RFC1: variants seen among roughly 807,000 people sequenced by gnomAD.
The protein encoded by RFC1 is replication factor C subunit 1, also known as A1 140 kDa subunit.
A neutral mutation model predicts 137.4 loss-of-function variants in RFC1; 37 were observed. That is an observed-to-expected ratio of 0.27 (90% confidence interval 0.21 to 0.35). The LOEUF is 0.35. RFC1 is among the 10% of genes least tolerant of loss of function. The pLI, the probability that RFC1 is intolerant of heterozygous loss-of-function variation, is 1.00. For synonymous variants in RFC1, 429 were observed against 455.7 expected, an observed-to-expected ratio of 0.94 and a Z score of 0.75; for missense variants, 1,205 against 1,358.5, an observed-to-expected ratio of 0.89 and a Z score of 1.78.
intron 4 of RFC1, among the ~76,000 whole-genome samples, chr4:39,333,744 C>A (rs1433253141): frequency 3.3e-5 from 5 of 152,142 alleles, no homozygotes; most frequent in Non-Finnish European, 7.4e-5. Context: ...GGTAACAGAG[C>A]CCTTCTCTGA....
In RFC1 at chr4:39,291,687, G is replaced by A. The variant is rs1406996104; in HGVS notation, c.3120C>T (p.Ile1040=). 2 of 1,614,102 alleles carry A rather than the reference G, an allele frequency of 1.2e-6. No individual in the cohort carries two copies. The highest frequency in any genetic ancestry group is 2.2e-5 in the South Asian group (2 of 91,084). ...GACTAGGTTTGCCACCCCAGCTGCT[G>A]ATTTCCATGATATTCTCAAAGTCTT... is the stretch of plus-strand genomic sequence containing the variant. ...MKEDFENIME[I]SSWGGKPSPF... is the part of the protein sequence containing the mutation. The change falls in exon 23 of 25, where the codon ATC becomes ATT. Residue 1040 remains isoleucine, a synonymous_variant. Coordinates refer to ENST00000349703, the MANE Select transcript of RFC1 (RefSeq NM_002913.5).
At chr4:39,289,669 C>T (rs1737560061) in intron 24 of RFC1, 179 bp downstream of exon 24, 1 of 553,180 alleles carries the variant, frequency 1.8e-6, no homozygotes, top group African/African-American at 1.9e-5. Context: ...TCTTCGACTA[C>T]CATAAGAAAC....
intron 2 of RFC1, among the ~76,000 whole-genome samples, chr4:39,346,126 G>A (rs912149637): frequency 7.2e-5 from 11 of 152,194 alleles, no homozygotes; most frequent in Non-Finnish European, 1.6e-4. Context: ...TGAAACGACA[G>A]AAACAGGAAT....
At chr4:39,306,750 G>C in intron 13 of RFC1, 49 bp from the exon 14 acceptor site, 1 of 1,056,656 alleles carries the variant, frequency 9.5e-7, no homozygotes, top group Non-Finnish European at 1.5e-6. Context: ...TCACCTAACA[G>C]AAATTCAAGC....
At chr4:39,343,381 A>G (rs1244517577) in intron 3 of RFC1, among the ~76,000 whole-genome samples, 1 of 152,084 alleles carries the variant, frequency 6.6e-6, no homozygotes, top group Non-Finnish European at 1.5e-5. Flanking sequence ...TGTAACTTTT[A>G]CTTCCCTTTG....
Position 39,320,513 on chromosome 4 carries a change from A to T in RFC1, c.965T>A (p.Met322Lys). The change falls in exon 9 of 25, where the codon ATG becomes AAG. Residue 322 changes from methionine (M) to lysine (K), a missense_variant. Met to Lys is a moderately conservative substitution (Grantham distance 95). This residue lies in a region of RFC1 where 962 missense variants were observed against 1,035.3 expected (regional missense o/e 0.93). Transcript: ENST00000349703. The stretch of plus-strand genomic sequence containing the variant: ...ATAAGAGCTCTCTTCTTTTCTTTTC[A>T]TAATTGCCAGCTTAGAACTGGCCTT... ...SPKASSKLAI[M>K]KRKEESSYKE... The T allele has an allele frequency of 2.5e-6, 4 of 1,611,570 alleles. No individual in the cohort carries two copies. The South Asian group carries it at 4.4e-5, about 18-fold the overall frequency.
chr4:39,346,701 G>A (rs1740879180), intron 2 of RFC1, among the ~76,000 whole-genome samples: 1 of 152,044 alleles, frequency 6.6e-6, no homozygotes, highest in South Asian at 2.1e-4. Flanking sequence ...GCAAGAAAAT[G>A]GAACAAATGA....
At position 39,336,450 on chromosome 4, in the gene RFC1, C is replaced by T. The variant is rs1382683791; in HGVS notation, c.331+5895G>A. On this transcript the variant is annotated intron_variant, in intron 4 of 24. Transcript: ENST00000349703. ...AGGGCTCACTAAGCATAAACCAAGG[C>T]CTAAGCCTTCATTTATTCTGTGAGT... is the stretch of plus-strand genomic sequence containing the variant. Among the ~76,000 whole-genome samples, 5 of 152,208 alleles carry T rather than the reference C, an allele frequency of 3.3e-5. No individual in the cohort carries two copies. The East Asian group carries it at 9.6e-4, about 29-fold the overall frequency.
At chr4:39,320,297 C>T (rs1739446833) in intron 9 of RFC1, 86 bp downstream of exon 9, 3 of 1,245,822 alleles carry the variant, frequency 2.4e-6, no homozygotes, top group Admixed American at 3.5e-5. Context: ...TGCAGTGAGC[C>T]GAGATTGTGC....
intron 9 of RFC1, chr4:39,317,840 T>C (rs1178719983): frequency 6.6e-6 from 1 of 152,050 alleles, no homozygotes; most frequent in Admixed American, 6.6e-5. Context: ...CTTTTGAGAG[T>C]AGACAAAATA....
chr4:39,295,914 G>T, intron 21 of RFC1, 155 bp from the exon 22 acceptor site: 1 of 538,730 alleles, frequency 1.9e-6, no homozygotes, highest in Non-Finnish European at 3.1e-6. Flanking sequence ...ACTCTGATCT[G>T]CTGGTACAGG....
chr4:39,331,310 G>T (rs1290186225), intron 4 of RFC1, among the ~76,000 whole-genome samples: 1 of 152,182 alleles, frequency 6.6e-6, no homozygotes, highest in African/African-American at 2.4e-5. Context: ...TCTCTGAAAT[G>T]ATGGTGCTCT....
At chr4:39,331,618 T>C (rs1249268169) in intron 4 of RFC1, among the ~76,000 whole-genome samples, 3 of 152,170 alleles carry the variant, frequency 2.0e-5, no homozygotes, top group South Asian at 2.1e-4. Context: ...TACTCAACCA[T>C]GTAACAAAAT....
At position 39,327,832 on chromosome 4, in the gene RFC1, T is replaced by C. The variant is rs865986795; in HGVS notation, c.332-76A>G. On this transcript the variant is annotated intron_variant, in intron 4 of 24. Coordinates refer to ENST00000349703, the MANE Select transcript of RFC1 (RefSeq NM_002913.5). The stretch of plus-strand genomic sequence containing the variant: ...ACAAAGAAAACACTTCTACCAACTT[T>C]ATAAAAAGTATACAAGAGGCTAGAC... 39 of 1,103,034 alleles carry C rather than the reference T, an allele frequency of 3.5e-5. No individual in the cohort carries two copies. The South Asian group carries it at 6.1e-4, about 17-fold the overall frequency. The allele number at this position is 1,103,034 out of a possible 1,614,324, so 68.3% of individuals were successfully genotyped here.
chr4:39,345,073 G>A (rs1740780890), intron 3 of RFC1, among the ~76,000 whole-genome samples: 1 of 152,130 alleles, frequency 6.6e-6, no homozygotes, highest in Admixed American at 6.5e-5. Context: ...TTGGAGTGCA[G>A]TGGCGATCTT....
chr4:39,302,641 A>C, intron 17 of RFC1, 46 bp from the exon 18 acceptor site: 1 of 1,491,298 alleles, frequency 6.7e-7, no homozygotes, highest in Non-Finnish European at 9.1e-7. Flanking sequence ...TAACTCATAT[A>C]ATCAGGTATT....
At chr4:39,291,585 A>C in intron 23 of RFC1, 54 bp downstream of exon 23, 1 of 1,241,666 alleles carries the variant, frequency 8.1e-7, no homozygotes, top group Non-Finnish European at 1.2e-6. Context: ...AAGTATTGTC[A>C]GTACAAACCT....
intron 3 of RFC1, among the ~76,000 whole-genome samples, chr4:39,343,407 T>A (rs1209921154): frequency 6.6e-6 from 1 of 152,176 alleles, no homozygotes; most frequent in East Asian, 1.9e-4. Context: ...TAACCTAATA[T>A]AGTCACAGGT....
Position 39,320,372 on chromosome 4 carries a change from AAAG to A in RFC1, c.1095+8_1095+10del. ...CTCAAAAAAAAAAAAAAAAAAAAAC[AAAG>A]TTCTTACCTCTTTTTTAGCTGGAGA... On this transcript the variant is annotated splice_region_variant and intron_variant, in intron 9 of 24. Transcript: ENST00000349703. 6.8e-7 allele frequency: 1 copy of A among 1,462,888 alleles called. No individual in the cohort carries two copies. The highest frequency in any genetic ancestry group is 1.4e-5 in the South Asian group (1 of 71,814). 90.6% of individuals were successfully genotyped at this position (1,462,888 alleles called of 1,614,324 possible).
Sources: gnomAD v4.1 joint callset for allele counts (sites outside exome capture counted in the v4.1 genomes callset) on GRCh38, gnomAD v4.1.1 for gene constraint, gnomAD v4.1.1 regional missense constraint, MANE v1.5 for transcripts, NCBI Gene and HGNC (gene_info 2026-07-23, HGNC 2026-07-21) for gene names.